The following TRPM6 variants were observed in gnomAD, a reference collection of about 807,000 sequenced individuals.
TRPM6 encodes the protein channel kinase 2.
TRPM6 carries 111 observed loss-of-function variants against 247.6 expected under a neutral mutation model. The observed-to-expected ratio is 0.45, with a 90% CI of 0.38 to 0.52. TRPM6 has a LOEUF of 0.52. Ranked by LOEUF, TRPM6 falls within the 20% of genes least tolerant of loss-of-function variation. TRPM6 has a pLI of 0.00. For missense variants in TRPM6, 2,126 were observed against 2,421.5 expected, an observed-to-expected ratio of 0.88 and a Z score of 2.56; for synonymous variants, 892 against 853.8, an observed-to-expected ratio of 1.04 and a Z score of -0.78.
chr9:74,735,524 A>G (rs1825667991), intron 36 of TRPM6, among the ~76,000 whole-genome samples: 1 of 152,164 alleles, frequency 6.6e-6, no homozygotes, highest in South Asian at 2.1e-4. Context: ...GTCGATGCCA[A>G]TGCTGACATT....
intron 3 of TRPM6, among the ~76,000 whole-genome samples, chr9:74,854,310 G>A (rs893967813): frequency 3.1e-4 from 47 of 152,170 alleles, no homozygotes; most frequent in African/African-American, 1.1e-3. Context: ...AGATTTTGGA[G>A]GACATTGAGA....
At chr9:74,810,199 T>C (rs967922955) in intron 13 of TRPM6, among the ~76,000 whole-genome samples, 1 of 152,040 alleles carries the variant, frequency 6.6e-6, no homozygotes, top group Non-Finnish European at 1.5e-5. Context: ...TCACTGGTAA[T>C]GGAAAGAAAA....
intron 25 of TRPM6, among the ~76,000 whole-genome samples, chr9:74,769,857 T>C (rs1826969654): frequency 6.6e-6 from 1 of 151,552 alleles, no homozygotes; most frequent in South Asian, 2.1e-4. Flanking sequence ...ATATAACTAG[T>C]AAGTGCCTAA....
chr9:74,856,312 T>C (rs1830518973), intron 2 of TRPM6, among the ~76,000 whole-genome samples: 1 of 152,080 alleles, frequency 6.6e-6, no homozygotes, highest in Non-Finnish European at 1.5e-5. Context: ...TGCTGATATG[T>C]GCCTGTGGTC....
In TRPM6 at chr9:74,827,644, G is replaced by A. The variant is rs556985955; in HGVS notation, c.841+134C>T. ...GGAGGGGAGATGCCCATGTGGGAAG[G>A]GGGGTGGCTGAAGAGTATTAAGGAG... On this transcript the variant is annotated intron_variant, in intron 7 of 38. Transcript: ENST00000360774. The A allele has an allele frequency of 5.9e-4, 515 of 872,366 alleles. 1 individual carries two copies. Among genetic ancestry groups the A allele is most frequent in the Non-Finnish European group, 9.2e-4 (471 of 512,470 alleles). The allele number at this position is 872,366 out of a possible 1,614,324, so 54.0% of individuals were successfully genotyped here. A position where few individuals can be genotyped will look rare whatever the true frequency, so the allele number is the denominator to read the frequency against.
intron 8 of TRPM6, 47 bp downstream of exon 8, chr9:74,821,622 G>A (rs1223001220): frequency 6.2e-7 from 1 of 1,605,814 alleles, no homozygotes; most frequent in South Asian, 1.1e-5. Flanking sequence ...TAAAATGGAG[G>A]AATAAACAGC....
chr9:74,827,659 G>C, intron 7 of TRPM6, 119 bp downstream of exon 7: 2 of 1,035,694 alleles, frequency 1.9e-6, no homozygotes, highest in Non-Finnish European at 3.0e-6. Context: ...TGGCTGAAGA[G>C]TATTAAGGAG....
At chr9:74,872,750 G>A (rs1202807971) in intron 1 of TRPM6, among the ~76,000 whole-genome samples, 1 of 152,106 alleles carries the variant, frequency 6.6e-6, no homozygotes, top group Non-Finnish European at 1.5e-5. Flanking sequence ...AATTACAGGC[G>A]TGAGCCACTG....
intron 13 of TRPM6, among the ~76,000 whole-genome samples, chr9:74,810,183 T>C (rs887346865): frequency 6.6e-6 from 1 of 152,030 alleles, no homozygotes; most frequent in African/African-American, 2.4e-5. Context: ...GGGATGTGGA[T>C]AAAAGTCACT....
intron 1 of TRPM6, among the ~76,000 whole-genome samples, chr9:74,865,997 C>T (rs894248960): frequency 1.1e-4 from 16 of 152,162 alleles, no homozygotes; most frequent in African/African-American, 3.4e-4. Context: ...ACAATAAAGC[C>T]TTTATTAGAA....
chr9:74,763,231 C>A, intron 25 of TRPM6, 97 bp from the exon 26 acceptor site: 1 of 1,178,528 alleles, frequency 8.5e-7, no homozygotes, highest in Non-Finnish European at 1.2e-6. Context: ...GGCTCCTGAG[C>A]CTCAGCTGCT....
chr9:74,771,948 G>T, intron 24 of TRPM6, 113 bp from the exon 25 acceptor site: 2 of 964,180 alleles, frequency 2.1e-6, no homozygotes, highest in East Asian at 2.4e-5. Flanking sequence ...TGATAAGTTT[G>T]TCACCTTGTC....
chr9:74,760,160 C>T (rs1826574974), intron 27 of TRPM6, among the ~76,000 whole-genome samples: 1 of 152,180 alleles, frequency 6.6e-6, no homozygotes, highest in South Asian at 2.1e-4. Context: ...TTTATAAAGT[C>T]TACAGTAGTA....
chr9:74,804,832 C>G (rs1447632861), intron 14 of TRPM6: 3 of 457,458 alleles, frequency 6.6e-6, no homozygotes, highest in African/African-American at 6.0e-5. Context: ...AAATAAACAT[C>G]AGTTTCTAAA....
At chr9:74,819,190 T>C (rs1473045791) in intron 9 of TRPM6, among the ~76,000 whole-genome samples, 2 of 151,810 alleles carry the variant, frequency 1.3e-5, no homozygotes, top group Admixed American at 1.3e-4. Context: ...GCACCTGTAG[T>C]CCAAGCTACT....
chr9:74,799,819 T>A (rs987535004), intron 17 of TRPM6: 3 of 208,392 alleles, frequency 1.4e-5, no homozygotes, highest in African/African-American at 7.0e-5. Flanking sequence ...ACTGTGGCCA[T>A]GGGAGATAAA....
chr9:74,856,413 G>A (rs567304965), intron 2 of TRPM6, among the ~76,000 whole-genome samples: 1 of 151,870 alleles, frequency 6.6e-6, no homozygotes, highest in African/African-American at 2.4e-5. Flanking sequence ...GTACTGCAAC[G>A]TGGGGGACAC....
intron 3 of TRPM6, among the ~76,000 whole-genome samples, chr9:74,853,095 C>A (rs964651096): frequency 1.3e-5 from 2 of 151,700 alleles, no homozygotes; most frequent in Non-Finnish European, 2.9e-5. Context: ...CGCCTCTGCC[C>A]GGCCGCGACC....
intron 25 of TRPM6, among the ~76,000 whole-genome samples, chr9:74,769,438 C>T (rs1219581556): frequency 6.6e-6 from 1 of 152,116 alleles, no homozygotes; most frequent in African/African-American, 2.4e-5. Flanking sequence ...AGTGAGCCAC[C>T]TTGCCCGGCC....
Sources: gnomAD v4.1 joint callset for allele counts (sites outside exome capture counted in the v4.1 genomes callset) on GRCh38, gnomAD v4.1.1 for gene constraint, MANE v1.5 for transcripts, NCBI Gene and HGNC (gene_info 2026-07-23, HGNC 2026-07-21) for gene names.